NDUFS1: variants seen among roughly 807,000 people sequenced by gnomAD.
NDUFS1 encodes NADH:ubiquinone oxidoreductase core subunit S1.
NDUFS1 carries 61 observed loss-of-function variants against 84.4 expected under a neutral mutation model. The ratio of observed to expected loss-of-function variants is 0.72; its 90% CI spans 0.59 to 0.89. The LOEUF is 0.89. NDUFS1 is among the 40% of genes least tolerant of loss of function. NDUFS1 has a pLI of 0.00. For missense variants in NDUFS1, 891 were observed against 890.0 expected (o/e 1.00, Z -0.01); for synonymous variants, 275 against 290.0 (o/e 0.95, Z 0.53).
At chr2:206,157,641 T>C (rs1047236297) in intron 1 of NDUFS1, among the ~76,000 whole-genome samples, 6 of 152,220 alleles carry the variant, frequency 3.9e-5, no homozygotes, top group African/African-American at 1.2e-4. Flanking sequence ...ATAAAAATAG[T>C]ACTCACTTTG....
In NDUFS1 at chr2:206,138,092, T is replaced by TA. The variant is rs1691789436; in HGVS notation, c.1392+392dup. ...CCTCATGTTCTTTTCTGTATTGGTG[T>TA]AAGTTTTTTTGGGGGTGGGACAGAG... On this transcript the variant is annotated intron_variant, in intron 13 of 18. Coordinates refer to ENST00000233190, the MANE Select transcript of NDUFS1 (RefSeq NM_005006.7). Among the ~76,000 whole-genome samples, 3 of 152,308 alleles carry TA rather than the reference T, an allele frequency of 2.0e-5. No individual in the cohort carries two copies. In the South Asian group the frequency reaches 6.2e-4, roughly 32 times the overall value.
chr2:206,135,606 G>A (rs558574483), intron 13 of NDUFS1, among the ~76,000 whole-genome samples: 1 of 152,026 alleles, frequency 6.6e-6, no homozygotes, highest in Non-Finnish European at 1.5e-5. Context: ...GGCAGACTGA[G>A]GTTGCAGTGA....
intron 12 of NDUFS1, 112 bp from the exon 13 acceptor site, chr2:206,138,726 C>G: frequency 1.7e-6 from 2 of 1,175,068 alleles, no homozygotes; most frequent in Non-Finnish European, 2.5e-6. Flanking sequence ...AAAGCACAGA[C>G]AATACATTTA....
Position 206,121,919 on chromosome 2 carries a change from A to G in NDUFS1, c.*2266T>C, listed in dbSNP as rs1362523490. 2.6e-5 allele frequency: 4 copies of G among 152,188 alleles called. No homozygotes were observed. The highest frequency in any genetic ancestry group is 7.2e-5 in the African/African-American group (3 of 41,444). 9.4% of individuals were successfully genotyped at this position (152,188 alleles called of 1,614,324 possible). ...CACATATTCATTAACAGTATTATATAAAATACAAAATTGGGACTATGTCCC... is the reference window on the plus strand; with the variant it reads ...CACATATTCATTAACAGTATTATATGAAATACAAAATTGGGACTATGTCCC... On this transcript the variant is annotated 3_prime_UTR_variant, in exon 19 of 19. Coordinates refer to ENST00000233190, the MANE Select transcript of NDUFS1 (RefSeq NM_005006.7).
chr2:206,127,857 T>G lies in NDUFS1; in HGVS notation c.1824A>C (p.Val608=). 6.2e-7 allele frequency: 1 copy of G among 1,614,186 alleles called. No homozygotes were observed. The highest frequency in any genetic ancestry group is 1.6e-4 in the Middle Eastern group (1 of 6,062). Reference sequence around the variant, plus strand: ...TTGCCAAGCCAGGAGGTGTCACTGCTACCTTAGTCTGCTGAGCTCTACCCT... The same window carrying G: ...TTGCCAAGCCAGGAGGTGTCACTGCGACCTTAGTCTGCTGAGCTCTACCCT... ...NTEGRAQQTK[V]AVTPPGLARE... is the part of the protein sequence containing the mutation. Residue 608 remains valine (V), a synonymous_variant, in exon 16 of 19, where the codon GTA becomes GTC. Transcript: ENST00000233190.
Position 206,116,066 on chromosome 2 carries a change from C to T in NDUFS1, c.*8119G>A. On this transcript the variant is annotated 3_prime_UTR_variant, in exon 19 of 19. Coordinates refer to ENST00000233190, the MANE Select transcript of NDUFS1 (RefSeq NM_005006.7). ...CCACCACTAATTTAGGACAACTCTG[C>T]TGGGTTGCGTTATTTCATACTAGCT... 1.0e-6 allele frequency: 1 copy of T among 966,302 alleles called. No homozygotes were observed. The highest frequency in any genetic ancestry group is 1.7e-6 in the Non-Finnish European group (1 of 589,980). 59.9% of individuals were successfully genotyped at this position (966,302 alleles called of 1,614,324 possible). A position where few individuals can be genotyped will look rare whatever the true frequency, so the allele number is the denominator to read the frequency against.
chr2:206,143,883 T>G, intron 10 of NDUFS1, 135 bp downstream of exon 10: 1 of 730,286 alleles, frequency 1.4e-6, no homozygotes, highest in Non-Finnish European at 2.4e-6. Flanking sequence ...AGTAGATGTC[T>G]GTAAAATGGA....
chr2:206,139,769 C>T (rs1334918435), intron 12 of NDUFS1, among the ~76,000 whole-genome samples: 6 of 150,068 alleles, frequency 4.0e-5, no homozygotes, highest in African/African-American at 1.2e-4. Context: ...CTTTCACTCC[C>T]GTAGTTTAGA....
At chr2:206,147,124 C>T (rs1335479173) in intron 7 of NDUFS1, 36 bp from the exon 8 acceptor site, 1 of 1,593,366 alleles carries the variant, frequency 6.3e-7, no homozygotes, top group African/African-American at 1.3e-5. Flanking sequence ...ATGGTCAAGT[C>T]CAGCAAAATT....
At chr2:206,154,357 T>C (rs1304321420) in intron 1 of NDUFS1, among the ~76,000 whole-genome samples, 1 of 152,232 alleles carries the variant, frequency 6.6e-6, no homozygotes, top group Non-Finnish European at 1.5e-5. Flanking sequence ...CCAGGGAATA[T>C]TTAGCAATGT....
At chr2:206,153,941 T>TA (rs989152884) in intron 1 of NDUFS1, among the ~76,000 whole-genome samples, 3 of 151,494 alleles carry the variant, frequency 2.0e-5, no homozygotes, top group Non-Finnish European at 4.4e-5. Context: ...TTTTGCCATT[T>TA]AAAAAAAAAT....
chr2:206,136,145 G>C (rs796376297), intron 13 of NDUFS1, among the ~76,000 whole-genome samples: 3 of 151,432 alleles, frequency 2.0e-5, no homozygotes, highest in African/African-American at 7.3e-5. Context: ...CTGCCTCCTG[G>C]GTTCAAGTGA....
At position 206,126,795 on chromosome 2, in the gene NDUFS1, C is replaced by G; in HGVS notation, c.1934G>C (p.Arg645Thr). ...AAGATTAGGAGAGACTTCTTCCAAT[C>G]TGTTCCTTACTTGATCCAGAGTATC... ...PYDTLDQVRNRLEEVSPNLVR... is the reference protein window; with the variant it reads ...PYDTLDQVRNTLEEVSPNLVR... Residue 645 changes from arginine (R) to threonine (T), a missense_variant, in exon 17 of 19, where the codon AGA (arginine) becomes ACA (threonine). Physicochemically the swap from Arg to Thr is moderately conservative, Grantham distance 71 (BLOSUM62 -1). Coordinates refer to ENST00000233190, the MANE Select transcript of NDUFS1 (RefSeq NM_005006.7). 1 of 1,614,178 alleles carries G rather than the reference C, an allele frequency of 6.2e-7. No individual in the cohort carries two copies. Among genetic ancestry groups the G allele is most frequent in the Middle Eastern group, 1.6e-4 (1 of 6,062 alleles).
chr2:206,132,777 T>C (rs1228852220), intron 14 of NDUFS1, among the ~76,000 whole-genome samples, 168 bp downstream of exon 14: 2 of 152,188 alleles, frequency 1.3e-5, no homozygotes, highest in African/African-American at 4.8e-5. Flanking sequence ...ATATTCCTTA[T>C]CATCTCGGGC....
At chr2:206,126,632 C>T (rs1362286599) in intron 17 of NDUFS1, 21 bp from the exon 18 acceptor site, 6 of 1,613,890 alleles carry the variant, frequency 3.7e-6, no homozygotes, top group Non-Finnish European at 4.2e-6. Flanking sequence ...AAGAAGAGAT[C>T]AACAATAATA....
rs1342315718 is a variant in NDUFS1, at chr2:206,120,275, G to A, written c.*3910C>T. 2.0e-5 allele frequency: 3 copies of A among 152,216 alleles called. No homozygotes were observed. The highest frequency in any genetic ancestry group is 2.1e-4 in the South Asian group (1 of 4,834). 9.4% of individuals were successfully genotyped at this position (152,216 alleles called of 1,614,324 possible). A position where few individuals can be genotyped will look rare whatever the true frequency, so the allele number is the denominator to read the frequency against. On this transcript the variant is annotated 3_prime_UTR_variant, in exon 19 of 19. Transcript: ENST00000233190. ...AGATTAAAACAGATTAGTACTGACA[G>A]TGGGGCACTGCTATACATATTGGAA...
chr2:206,142,914 C>T, intron 10 of NDUFS1, 83 bp from the exon 11 acceptor site: 1 of 1,549,464 alleles, frequency 6.5e-7, no homozygotes, highest in Non-Finnish European at 8.8e-7. Context: ...TAAAACAGTA[C>T]TTGTTTTCAA....
At position 206,124,037 on chromosome 2, in the gene NDUFS1, A is replaced by C; in HGVS notation, c.*148T>G. On this transcript the variant is annotated 3_prime_UTR_variant, in exon 19 of 19. Coordinates refer to ENST00000233190, the MANE Select transcript of NDUFS1 (RefSeq NM_005006.7). ...AACTGCAAAGTTGATAACTAATATCATTTTCAAATAGGCATAGTATAACCT... is the reference window on the plus strand; with the variant it reads ...AACTGCAAAGTTGATAACTAATATCCTTTTCAAATAGGCATAGTATAACCT... The C allele has an allele frequency of 1.6e-6, 1 of 638,280 alleles. No homozygotes were observed. Among genetic ancestry groups the C allele is most frequent in the Non-Finnish European group, 2.7e-6 (1 of 364,392 alleles). 39.5% of individuals were successfully genotyped at this position (638,280 alleles called of 1,614,324 possible).
chr2:206,126,364 A>C (rs1691291415), intron 18 of NDUFS1, among the ~76,000 whole-genome samples, 175 bp downstream of exon 18: 1 of 152,242 alleles, frequency 6.6e-6, no homozygotes. Flanking sequence ...TCAGAAACAA[A>C]AAAACTAGAG....
Sources: gnomAD v4.1 joint callset for allele counts (sites outside exome capture counted in the v4.1 genomes callset) on GRCh38, gnomAD v4.1.1 for gene constraint, MANE v1.5 for transcripts, NCBI Gene and HGNC (gene_info 2026-07-23, HGNC 2026-07-21) for gene names.